Variants in DMXL2 observed in about 807,000 individuals in gnomAD.
DMXL2 encodes dmX-like protein 2.
In DMXL2, 103 loss-of-function variants were observed where a neutral mutation model predicts 331.1. The ratio of observed to expected loss-of-function variants is 0.31; its 90% CI spans 0.27 to 0.37. The LOEUF (loss-of-function observed/expected upper bound fraction) is 0.37. Among genes scored for constraint, DMXL2 ranks in the 10% least tolerant of loss-of-function variants. DMXL2 has a pLI of 1.00. For missense variants in DMXL2, 3,171 were observed against 3,642.9 expected (o/e 0.87, Z 3.33); for synonymous variants, 1,281 against 1,252.1 (o/e 1.02, Z -0.49).
chr15:51,460,068 G>C (rs2039983508), intron 33 of DMXL2: 1 of 943,214 alleles, frequency 1.1e-6, no homozygotes, highest in Admixed American at 6.2e-5. Context: ...TCTAAACATA[G>C]ATTCAAAATA....
chr15:51,475,956 C>T (rs1291798512), intron 27 of DMXL2, among the ~76,000 whole-genome samples: 1 of 152,090 alleles, frequency 6.6e-6, no homozygotes, highest in African/African-American at 2.4e-5. Context: ...TTTGGGGAAT[C>T]TGGGTGAAAT....
intron 13 of DMXL2, among the ~76,000 whole-genome samples, chr15:51,527,821 A>T (rs2047767815): frequency 6.6e-6 from 1 of 152,214 alleles, no homozygotes; most frequent in African/African-American, 2.4e-5. Context: ...GTGGTGTGTA[A>T]ATTGATCTTA....
intron 23 of DMXL2, among the ~76,000 whole-genome samples, chr15:51,481,898 TTATC>T (rs1204826917): frequency 6.6e-6 from 1 of 152,184 alleles, no homozygotes; most frequent in African/African-American, 2.4e-5. Context: ...AAGCTACCTT[TTATC>T]TATCTAAGAC....
intron 6 of DMXL2, among the ~76,000 whole-genome samples, chr15:51,552,750 C>T (rs967573397): frequency 7.2e-5 from 11 of 152,160 alleles, no homozygotes; most frequent in Non-Finnish European, 1.3e-4. Flanking sequence ...CTCTAATACA[C>T]ACGTTCTCCC....
In DMXL2 at chr15:51,450,172, T is replaced by C. The variant is rs142904221; in HGVS notation, c.8924A>G (p.Tyr2975Cys). The change falls in exon 43 of 44, where the codon TAT (tyrosine) becomes TGT (cysteine). Residue 2975 changes from tyrosine to cysteine, a missense_variant. By Grantham distance (194) the Tyr-to-Cys change is radical (BLOSUM62 -2). This residue lies in a region of DMXL2 where 766 missense variants were observed against 940.5 expected (regional missense o/e 0.81). Coordinates refer to ENST00000560891, the MANE Select transcript of DMXL2 (RefSeq NM_001378457.1). Reference protein sequence around the residue: ...SAIKALALDPYEEYFTTGSAE... With the variant: ...SAIKALALDPCEEYFTTGSAE... ...TGAACCTGTGGTAAAATATTCCTCA[T>C]AGGGATCCAAGGCCAGAGCCTTAAT... is the stretch of plus-strand genomic sequence containing the variant. 5 of 1,614,006 alleles carry C rather than the reference T, an allele frequency of 3.1e-6. No individual in the cohort carries two copies. The highest frequency in any genetic ancestry group is 1.7e-4 in the Middle Eastern group (1 of 6,058).
intron 19 of DMXL2, 72 bp from the exon 20 acceptor site, chr15:51,491,819 T>C: frequency 7.8e-7 from 1 of 1,289,534 alleles, no homozygotes; most frequent in East Asian, 2.5e-5. Context: ...TTTCATGCAG[T>C]CACATACGCA....
rs1193446493 is a variant in DMXL2 at position 51,499,518 on chromosome 15, T to C, written c.3706A>G (p.Ile1236Val). Residue 1236 changes from isoleucine to valine, a missense_variant, in exon 18 of 44, where the codon ATA (isoleucine) becomes GTA (valine). By Grantham distance (29) the Ile-to-Val change is conservative (BLOSUM62 3). Transcript: ENST00000560891. ...CCATCAACAGAAGATACCAAGTCTA[T>C]AGATCTAAGAAGAACCCATCTTGAC... Reference protein sequence around the residue: ...VKSRWVLLRSIDLVSSVDGTP... With the variant: ...VKSRWVLLRSVDLVSSVDGTP... The C allele has an allele frequency of 9.9e-6, 16 of 1,614,156 alleles. No individual in the cohort carries two copies. The highest frequency in any genetic ancestry group is 5.0e-5 in the Admixed American group (3 of 60,020).
intron 37 of DMXL2, among the ~76,000 whole-genome samples, chr15:51,456,803 A>G (rs755065766): frequency 1.3e-5 from 2 of 152,346 alleles, no homozygotes; most frequent in South Asian, 4.1e-4. Context: ...ATTCATCTGT[A>G]AAATGATAAT....
chr15:51,563,286 G>T, intron 6 of DMXL2, 95 bp downstream of exon 6: 1 of 1,074,144 alleles, frequency 9.3e-7, no homozygotes. Flanking sequence ...GATTATCCCA[G>T]TTTTACAGAT....
chr15:51,463,999 C>A (rs2040352610), intron 32 of DMXL2, among the ~76,000 whole-genome samples: 1 of 151,896 alleles, frequency 6.6e-6, no homozygotes, highest in African/African-American at 2.4e-5. Flanking sequence ...ATCAAAACAT[C>A]AGTTAAAAAC....
At chr15:51,575,484 T>C (rs898372991) in intron 2 of DMXL2, among the ~76,000 whole-genome samples, 1 of 152,132 alleles carries the variant, frequency 6.6e-6, no homozygotes, top group African/African-American at 2.4e-5. Flanking sequence ...CACCAAAATT[T>C]GATGTACATT....
chr15:51,496,498 T>C (rs1054745386), intron 18 of DMXL2, among the ~76,000 whole-genome samples: 2 of 152,214 alleles, frequency 1.3e-5, no homozygotes, highest in African/African-American at 4.8e-5. Flanking sequence ...GCATAGATCG[T>C]GTGGGGCCTT....
chr15:51,521,777 G>A (rs917464469), intron 13 of DMXL2, among the ~76,000 whole-genome samples: 2 of 152,048 alleles, frequency 1.3e-5, no homozygotes, highest in East Asian at 1.9e-4. Flanking sequence ...TGAAAGTAGG[G>A]ACTACTTCTA....
At chr15:51,520,628 G>A (rs562626564) in intron 13 of DMXL2, among the ~76,000 whole-genome samples, 14 of 152,234 alleles carry the variant, frequency 9.2e-5, no homozygotes, top group Middle Eastern at 6.8e-3. Context: ...GGGCCGAGCT[G>A]GGTGGATCAC....
Position 51,450,351 on chromosome 15 carries a change from A to C in DMXL2, c.8750-5T>G. ...CATGATCGTGGCACGTGAAACCTGA[A>C]GAAGAAAAACATCAGAGAATTTCTC... On this transcript the variant is annotated splice_polypyrimidine_tract_variant and splice_region_variant and intron_variant, in intron 42 of 43. Transcript: ENST00000560891. 1 of 1,613,860 alleles carries C rather than the reference A, an allele frequency of 6.2e-7. No individual in the cohort carries two copies. Among genetic ancestry groups the C allele is most frequent in the Non-Finnish European group, 8.5e-7 (1 of 1,179,796 alleles).
rs16964415 is a variant in DMXL2 at position 51,533,757 on chromosome 15, C to G, written c.2436+1906G>C. ...AGCTGTCTCACAGAAATCCTTGAAA[C>G]AAGCTGGAAAACATTCCAAAAAATG... On this transcript the variant is annotated intron_variant, in intron 13 of 43. Transcript: ENST00000560891. Among the ~76,000 whole-genome samples the G allele has an allele frequency of 5.3e-3, 808 of 152,252 alleles. 8 individuals are homozygous for G. Among genetic ancestry groups the G allele is most frequent in the African/African-American group, 0.018 (749 of 41,542 alleles).
At chr15:51,467,612 A>T (rs2040702950) in intron 29 of DMXL2, among the ~76,000 whole-genome samples, 2 of 152,218 alleles carry the variant, frequency 1.3e-5, no homozygotes, top group Admixed American at 1.3e-4. Flanking sequence ...ATAAGGGGGT[A>T]AAGTTAGATG....
intron 1 of DMXL2, among the ~76,000 whole-genome samples, chr15:51,621,964 A>T (rs2054660078): frequency 6.6e-6 from 1 of 152,154 alleles, no homozygotes; most frequent in South Asian, 2.1e-4. Flanking sequence ...AGACTCCAGC[A>T]GCTCCTCGCT....
At chr15:51,535,530 T>C in intron 13 of DMXL2, 133 bp downstream of exon 13, 1 of 717,078 alleles carries the variant, frequency 1.4e-6, no homozygotes, top group Non-Finnish European at 2.1e-6. Context: ...AAATGTGTCA[T>C]ATATATGTCA....
Sources: allele counts gnomAD v4.1 joint callset (sites outside exome capture counted in the v4.1 genomes callset), GRCh38; gene constraint gnomAD v4.1.1; regional missense constraint gnomAD v4.1.1; transcripts MANE v1.5; gene names NCBI Gene and HGNC (gene_info 2026-07-23, HGNC 2026-07-21).